The following CAMKMT variants were observed in gnomAD, a reference collection of about 807,000 sequenced individuals.
CAMKMT encodes calmodulin-lysine N-methyltransferase.
CAMKMT carries 53 observed loss-of-function variants against 48.0 expected under a neutral mutation model. That is an observed-to-expected ratio of 1.10 (90% CI 0.89 to 1.39). The LOEUF (loss-of-function observed/expected upper bound fraction) is 1.39, where lower values mean the gene tolerates loss of function less well. CAMKMT is among the 40% of genes most tolerant of loss of function. The pLI, the probability that CAMKMT is intolerant of heterozygous loss-of-function variation, is 0.00. For synonymous variants in CAMKMT, 165 were observed against 152.3 expected, an observed-to-expected ratio of 1.08 and a Z score of -0.61; for missense variants, 428 against 402.7, an observed-to-expected ratio of 1.06 and a Z score of -0.54.
Position 44,653,903 on chromosome 2 carries a change from A to G in CAMKMT, c.377-50380A>G, listed in dbSNP as rs1674222026. Among the ~76,000 whole-genome samples the G allele has an allele frequency of 6.6e-6, 1 of 152,202 alleles. No homozygotes were observed. Among genetic ancestry groups the G allele is most frequent in the Non-Finnish European group, 1.5e-5 (1 of 68,036 alleles). Reference sequence around the variant, plus strand: ...AACCAAAACTGTCACATTTTAGCCTAAAGACTAGGAGTATTTTTCAGTTCC... The same window carrying G: ...AACCAAAACTGTCACATTTTAGCCTGAAGACTAGGAGTATTTTTCAGTTCC... On this transcript the variant is annotated intron_variant, in intron 3 of 10. Transcript: ENST00000378494. This position sits in a 1 kb window ranked among gnomAD's most constrained non-coding sequence, Gnocchi z 5.2.
intron 3 of CAMKMT, among the ~76,000 whole-genome samples, chr2:44,414,525 C>T (rs1683419049): frequency 6.6e-6 from 1 of 152,154 alleles, no homozygotes. Context: ...CACAATATGG[C>T]AGCTTCCACT....
At chr2:44,405,430 G>C (rs1047913391) in intron 3 of CAMKMT, among the ~76,000 whole-genome samples, 3 of 152,020 alleles carry the variant, frequency 2.0e-5, no homozygotes, top group Non-Finnish European at 4.4e-5. Flanking sequence ...TTTAGGTGTT[G>C]AGTAATGCAT....
intron 6 of CAMKMT, among the ~76,000 whole-genome samples, chr2:44,708,474 A>G (rs544546437): frequency 5.3e-5 from 8 of 152,016 alleles, no homozygotes; most frequent in Non-Finnish European, 1.0e-4. Flanking sequence ...TAACACTTGT[A>G]TGCTCTACAG....
In CAMKMT at chr2:44,704,296, T is replaced by C. The variant is rs944720863; in HGVS notation, c.390T>C (p.Ser130=). 6.2e-7 allele frequency: 1 copy of C among 1,610,974 alleles called. No homozygotes were observed. Residue 130 remains serine, a synonymous_variant, in exon 4 of 11, where the codon TCT becomes TCC. Coordinates refer to ENST00000378494, the MANE Select transcript of CAMKMT (RefSeq NM_024766.5). ...TGTGTTTTCTAGGCATCTGGCCATC[T>C]GAAGAGGTTTTGGCTTACTACTGCC... ...DNTGNVCIWP[S]EEVLAYYCLK...
At chr2:44,454,914 C>G (rs1355741151) in intron 3 of CAMKMT, among the ~76,000 whole-genome samples, 1 of 152,128 alleles carries the variant, frequency 6.6e-6, no homozygotes, top group Non-Finnish European at 1.5e-5. Flanking sequence ...CTTCTAGCAA[C>G]AGTACCATCA....
intron 3 of CAMKMT, among the ~76,000 whole-genome samples, chr2:44,475,319 AT>A (rs11318687): frequency 0.78 from 110,751 of 142,314 alleles, 42,895 homozygotes; most frequent in South Asian, 0.87. Context: ...ATAGGTTGAA[AT>A]TTTTTTTTTT....
At chr2:44,637,732 A>T (rs1325262763) in intron 3 of CAMKMT, among the ~76,000 whole-genome samples, 1 of 152,186 alleles carries the variant, frequency 6.6e-6, no homozygotes, top group Non-Finnish European at 1.5e-5. Flanking sequence ...TTTTAAAATA[A>T]TAGTAAGTTT....
intron 7 of CAMKMT, among the ~76,000 whole-genome samples, chr2:44,725,931 CA>C (rs1678758019): frequency 6.6e-6 from 1 of 151,630 alleles, no homozygotes; most frequent in African/African-American, 2.4e-5. Context: ...ATTTGGAGAA[CA>C]GATCCCATCA....
intron 3 of CAMKMT, among the ~76,000 whole-genome samples, chr2:44,473,618 C>G (rs538138646): frequency 6.6e-6 from 1 of 152,288 alleles, no homozygotes; most frequent in South Asian, 2.1e-4. Context: ...TGACTTTACT[C>G]TGTGTGGAAT....
Position 44,366,718 on chromosome 2 carries a change from G to GTTATTATTATTATTA in CAMKMT, c.138+4579_138+4593dup, listed in dbSNP as rs71393267. Among the ~76,000 whole-genome samples, 459 of 150,190 alleles carry GTTATTATTATTATTA rather than the reference G, an allele frequency of 3.1e-3. 2 individuals are homozygous for GTTATTATTATTATTA. Among genetic ancestry groups the GTTATTATTATTATTA allele is most frequent in the Admixed American group, 5.9e-3 (89 of 15,018 alleles). ...AGACTCAAAATAAATAGCAGCTATTGTTATTATTATTATTATTATTTGAGA... is the reference window on the plus strand; with the variant it reads ...AGACTCAAAATAAATAGCAGCTATTGTTATTATTATTATTATTATTATTATTATTATTATTTGAGA... On this transcript the variant is annotated intron_variant, in intron 1 of 10. Coordinates refer to ENST00000378494, the MANE Select transcript of CAMKMT (RefSeq NM_024766.5).
intron 3 of CAMKMT, among the ~76,000 whole-genome samples, chr2:44,647,159 G>A (rs1049309581): frequency 3.3e-5 from 5 of 152,136 alleles, no homozygotes; most frequent in Non-Finnish European, 7.4e-5. Context: ...TAGCTAGCTA[G>A]AGTCTCCCCA....
intron 3 of CAMKMT, among the ~76,000 whole-genome samples, chr2:44,648,575 A>T (rs983301708): frequency 3.3e-5 from 5 of 152,198 alleles, no homozygotes. Context: ...TCATTTCTTA[A>T]ACTATAAGAA....
intron 3 of CAMKMT, among the ~76,000 whole-genome samples, chr2:44,520,626 C>G (rs1390696233): frequency 6.6e-6 from 1 of 152,162 alleles, no homozygotes; most frequent in African/African-American, 2.4e-5. Flanking sequence ...AATATGAATT[C>G]AAAGACTGAC....
intron 3 of CAMKMT, among the ~76,000 whole-genome samples, chr2:44,630,788 C>T (rs1234315289): frequency 6.6e-6 from 1 of 151,248 alleles, no homozygotes; most frequent in Non-Finnish European, 1.5e-5. Context: ...AACACTTTTA[C>T]ACTGTTGGTG....
At chr2:44,403,639 C>G (rs984788399) in intron 3 of CAMKMT, among the ~76,000 whole-genome samples, 6 of 152,032 alleles carry the variant, frequency 3.9e-5, no homozygotes, top group African/African-American at 1.4e-4. Context: ...GGTGGGGTGT[C>G]AGGAAGAGAG....
chr2:44,689,291 T>G (rs1012228227), intron 3 of CAMKMT, among the ~76,000 whole-genome samples: 51 of 150,332 alleles, frequency 3.4e-4, no homozygotes, highest in African/African-American at 1.1e-3. Flanking sequence ...TTTATTTATT[T>G]ATTTATTTAT....
intron 3 of CAMKMT, among the ~76,000 whole-genome samples, chr2:44,683,764 A>G (rs1285511129): frequency 7.6e-6 from 1 of 131,996 alleles, no homozygotes; most frequent in African/African-American, 2.8e-5. Flanking sequence ...CAGAGCTTGC[A>G]GTGAGCCGAG....
intron 3 of CAMKMT, among the ~76,000 whole-genome samples, chr2:44,681,719 G>A (rs1414961262): frequency 6.6e-6 from 1 of 152,140 alleles, no homozygotes; most frequent in Non-Finnish European, 1.5e-5. Flanking sequence ...GATGTTTGCA[G>A]AGCCCTAAAT....
At chr2:44,375,265 C>T (rs1394951888) in intron 2 of CAMKMT, among the ~76,000 whole-genome samples, 1 of 150,612 alleles carries the variant, frequency 6.6e-6, no homozygotes, top group Non-Finnish European at 1.5e-5. Flanking sequence ...CTCTCATCTT[C>T]CTCTATATTT....
Sources: gnomAD v4.1 joint callset for allele counts (sites outside exome capture counted in the v4.1 genomes callset) on GRCh38, gnomAD v4.1.1 for gene constraint, Gnocchi (gnomAD v3.1) non-coding constraint, MANE v1.5 for transcripts, NCBI Gene and HGNC (gene_info 2026-07-23, HGNC 2026-07-21) for gene names.